The following ASAP1 variants were observed in gnomAD, a reference collection of about 807,000 sequenced individuals.
ASAP1 encodes the protein ArfGAP with SH3 domain, ankyrin repeat and PH domain 1, also known as arf-GAP with SH3 domain, ANK repeat and PH domain-containing protein 1.
Under a neutral mutation model 145.2 loss-of-function variants are expected in ASAP1, and 43 were observed. That is an observed-to-expected ratio of 0.30 (90% confidence interval 0.23 to 0.38). The LOEUF (loss-of-function observed/expected upper bound fraction) is 0.38. Among genes scored for constraint, ASAP1 ranks in the 10% least tolerant of loss-of-function variants. The pLI is 1.00. For synonymous variants in ASAP1, 546 were observed against 515.5 expected, an observed-to-expected ratio of 1.06 and a Z score of -0.80; for missense variants, 1,018 against 1,355.3, an observed-to-expected ratio of 0.75 and a Z score of 3.91.
chr8:130,209,543 C>T (rs1465145776), intron 5 of ASAP1, among the ~76,000 whole-genome samples: 6 of 133,194 alleles, frequency 4.5e-5, no homozygotes, highest in Non-Finnish European at 9.8e-5. Flanking sequence ...TGGTCTTGCT[C>T]TTACAGTAAA....
chr8:130,186,976 C>A (rs1242405301), intron 7 of ASAP1, among the ~76,000 whole-genome samples: 2 of 152,262 alleles, frequency 1.3e-5, no homozygotes, highest in Admixed American at 1.3e-4. Flanking sequence ...GTACTAGCAG[C>A]CATAAATGCG....
intron 2 of ASAP1, among the ~76,000 whole-genome samples, chr8:130,398,653 A>G (rs148440900): frequency 1.8e-4 from 27 of 152,350 alleles, no homozygotes; most frequent in Admixed American, 3.9e-4. Flanking sequence ...TAGAACTTAT[A>G]TAGCACTTAC....
At chr8:130,127,169 G>C (rs1270868374) in intron 16 of ASAP1, among the ~76,000 whole-genome samples, 1 of 152,174 alleles carries the variant, frequency 6.6e-6, no homozygotes, top group Non-Finnish European at 1.5e-5. Flanking sequence ...GGCTGAGTAG[G>C]AAGGAAGGAA....
intron 4 of ASAP1, among the ~76,000 whole-genome samples, chr8:130,224,506 G>C (rs1316927170): frequency 6.6e-6 from 1 of 151,094 alleles, no homozygotes; most frequent in Non-Finnish European, 1.5e-5. Flanking sequence ...TAATAATCTG[G>C]AGTGTATCTC....
chr8:130,358,765 TCG>T lies in ASAP1; in HGVS notation c.60-624_60-623del, dbSNP rs1377145036. 1.2e-5 allele frequency among the ~76,000 whole-genome samples: 1 copy of T among 84,124 alleles called. No individual in the cohort carries two copies. Among genetic ancestry groups the T allele is most frequent in the Non-Finnish European group, 2.3e-5 (1 of 43,540 alleles). The allele number at this position is 84,124 out of a possible 152,430, so 55.2% of individuals were successfully genotyped here. A position where few individuals can be genotyped will look rare whatever the true frequency, so the allele number is the denominator to read the frequency against. On this transcript the variant is annotated intron_variant, in intron 2 of 29. Transcript: ENST00000518721. The surrounding 1 kb of genome is among the most constrained non-coding windows in gnomAD (Gnocchi z 4.1). ...GGCCCCCGCCCCGCCCCGCCCCCGC[TCG>T]CGCACAGCCCCTGGGGCCTGGCTCC...
At chr8:130,147,658 T>G (rs913654036) in intron 13 of ASAP1, among the ~76,000 whole-genome samples, 1 of 152,230 alleles carries the variant, frequency 6.6e-6, no homozygotes, top group Admixed American at 6.5e-5. Context: ...ACAAGTTAAG[T>G]AGCTTAATAA....
At chr8:130,127,789 C>T in intron 16 of ASAP1, 138 bp downstream of exon 16, 3 of 993,668 alleles carry the variant, frequency 3.0e-6, no homozygotes, top group Admixed American at 3.2e-5. Flanking sequence ...TAGGAAAAAT[C>T]ACGTTGGGAA....
At chr8:130,116,537 A>G (rs768030314) in intron 22 of ASAP1, 141 bp downstream of exon 22, 38 of 719,444 alleles carry the variant, frequency 5.3e-5, no homozygotes, top group Non-Finnish European at 8.0e-5. Context: ...TTTCTAATGT[A>G]GCACATTGCT....
At chr8:130,374,068 C>T (rs1304206412) in intron 2 of ASAP1, among the ~76,000 whole-genome samples, 1 of 141,136 alleles carries the variant, frequency 7.1e-6, no homozygotes, top group Non-Finnish European at 1.5e-5. Flanking sequence ...CAGCCATGTC[C>T]AAGCTAAGCA....
intron 27 of ASAP1, among the ~76,000 whole-genome samples, chr8:130,067,066 T>A (rs2097432351): frequency 6.6e-6 from 1 of 152,216 alleles, no homozygotes; most frequent in Non-Finnish European, 1.5e-5. Flanking sequence ...CATTTTCCTC[T>A]GAATTCTGCT....
At chr8:130,176,303 G>A (rs1049108208) in intron 9 of ASAP1, among the ~76,000 whole-genome samples, 1 of 152,126 alleles carries the variant, frequency 6.6e-6, no homozygotes, top group Non-Finnish European at 1.5e-5. Context: ...AAACACCTAC[G>A]TAGAGAATGC....
intron 3 of ASAP1, among the ~76,000 whole-genome samples, chr8:130,294,329 G>GT: frequency 6.6e-6 from 1 of 152,274 alleles, no homozygotes; most frequent in East Asian, 1.9e-4. Flanking sequence ...CGTCAGAAAG[G>GT]TGACACTGAT....
rs553953674 is a variant in ASAP1, at chr8:130,390,941, C to T, written c.59+10944G>A. Among the ~76,000 whole-genome samples the T allele has an allele frequency of 4.9e-5, 6 of 121,924 alleles. 1 individual carries two copies. Among genetic ancestry groups the T allele is most frequent in the Non-Finnish European group, 1.0e-4 (5 of 50,104 alleles). 80.0% of individuals were successfully genotyped at this position (121,924 alleles called of 152,430 possible). A position where few individuals can be genotyped will look rare whatever the true frequency, so the allele number is the denominator to read the frequency against. On this transcript the variant is annotated intron_variant, in intron 2 of 29. Coordinates refer to ENST00000518721, the MANE Select transcript of ASAP1 (RefSeq NM_018482.4). ...CCACTTCTGGGTATATATCCCCCGCCCCCCCAAAATTGAAAGCAGGATCTG... is the reference window on the plus strand; with the variant it reads ...CCACTTCTGGGTATATATCCCCCGCTCCCCCAAAATTGAAAGCAGGATCTG...
intron 1 of ASAP1, among the ~76,000 whole-genome samples, chr8:130,437,652 T>C (rs1256974804): frequency 2.0e-5 from 3 of 152,016 alleles, no homozygotes; most frequent in Non-Finnish European, 4.4e-5. Flanking sequence ...CACAGTGTTG[T>C]TACACACAGG....
At chr8:130,280,257 T>C (rs1565166568) in intron 3 of ASAP1, among the ~76,000 whole-genome samples, 1 of 152,256 alleles carries the variant, frequency 6.6e-6, no homozygotes, top group Admixed American at 6.5e-5. Context: ...ATATGGAGTA[T>C]GGATTTCAGG....
intron 3 of ASAP1, among the ~76,000 whole-genome samples, chr8:130,339,495 A>G (rs899116756): frequency 3.3e-5 from 5 of 152,156 alleles, no homozygotes; most frequent in Non-Finnish European, 1.5e-5. Context: ...CAGCAAAAAG[A>G]AGGAGCTATC....
Position 130,366,349 on chromosome 8 carries a change from G to C in ASAP1, c.60-8206C>G, listed in dbSNP as rs554965001. Among the ~76,000 whole-genome samples, 5 of 152,354 alleles carry C rather than the reference G, an allele frequency of 3.3e-5. No homozygotes were observed. The East Asian group carries it at 9.6e-4, about 29-fold the overall frequency. ...CCCACAGTACTCACCTAGTTGTACTGTTTTTCTAAGCCACCCACCCTTTAC... is the reference window on the plus strand; with the variant it reads ...CCCACAGTACTCACCTAGTTGTACTCTTTTTCTAAGCCACCCACCCTTTAC... On this transcript the variant is annotated intron_variant, in intron 2 of 29. Transcript: ENST00000518721.
intron 27 of ASAP1, among the ~76,000 whole-genome samples, chr8:130,072,831 G>GTGTGCACGCGC (rs58907739): frequency 9.0e-6 from 1 of 110,706 alleles, no homozygotes; most frequent in Non-Finnish European, 2.0e-5. Flanking sequence ...GTGTGCGCGC[G>GTGTGCACGCGC]GGGGGGGGCA....
intron 29 of ASAP1, among the ~76,000 whole-genome samples, chr8:130,056,673 G>A (rs371104200): frequency 1.3e-5 from 2 of 152,336 alleles, no homozygotes; most frequent in African/African-American, 4.8e-5. Flanking sequence ...CCATGCCTAT[G>A]TGTGTGTGCA....
Sources: gnomAD v4.1 joint callset for allele counts (sites outside exome capture counted in the v4.1 genomes callset) on GRCh38, gnomAD v4.1.1 for gene constraint, Gnocchi (gnomAD v3.1) non-coding constraint, MANE v1.5 for transcripts, NCBI Gene and HGNC (gene_info 2026-07-23, HGNC 2026-07-21) for gene names.